WIPI2: variants seen among roughly 807,000 people sequenced by gnomAD.
WIPI2 encodes the protein WD repeat domain, phosphoinositide interacting 2.
A neutral mutation model predicts 52.3 loss-of-function variants in WIPI2; 28 were observed. That is an observed-to-expected ratio of 0.54 (90% CI 0.40 to 0.73). The LOEUF (loss-of-function observed/expected upper bound fraction) is 0.73. Ranked by LOEUF, WIPI2 falls within the 30% of genes least tolerant of loss-of-function variation. The pLI, the probability that WIPI2 is intolerant of heterozygous loss-of-function variation, is 0.00. For synonymous variants in WIPI2, 268 were observed against 245.0 expected, an observed-to-expected ratio of 1.09 and a Z score of -0.88; for missense variants, 506 against 602.9, an observed-to-expected ratio of 0.84 and a Z score of 1.68.
chr7:5,226,244 G>A (rs1783426583), intron 9 of WIPI2: 3 of 321,426 alleles, frequency 9.3e-6, no homozygotes, highest in Non-Finnish European at 1.8e-5. Flanking sequence ...CGACAAAAGC[G>A]TTTGTGATCA....
chr7:5,200,525 T>A (rs749399227), intron 3 of WIPI2, among the ~76,000 whole-genome samples: 32 of 151,460 alleles, frequency 2.1e-4, no homozygotes, highest in Non-Finnish European at 3.8e-4. Flanking sequence ...TGTGCTCGTT[T>A]GTGTGTGCGT....
chr7:5,205,285 T>C (rs561886985), intron 3 of WIPI2, among the ~76,000 whole-genome samples: 2 of 152,278 alleles, frequency 1.3e-5, no homozygotes, highest in South Asian at 4.1e-4. Context: ...CCTGGCCTAT[T>C]AGTCTTAAGT....
chr7:5,205,225 C>T (rs1782237727), intron 3 of WIPI2, among the ~76,000 whole-genome samples: 1 of 152,220 alleles, frequency 6.6e-6, no homozygotes, highest in Admixed American at 6.5e-5. Flanking sequence ...ATCCATCCGC[C>T]TCAGCTTCCC....
In WIPI2 at chr7:5,190,272, G is replaced by T. The variant is rs1011613331; in HGVS notation, c.-148G>T. 63 of 391,422 alleles carry T rather than the reference G, an allele frequency of 1.6e-4. 1 individual carries two copies. The highest frequency in any genetic ancestry group is 2.5e-4 in the Non-Finnish European group (60 of 243,624). 24.2% of individuals were successfully genotyped at this position (391,422 alleles called of 1,614,324 possible). On this transcript the variant is annotated 5_prime_UTR_variant, in exon 1 of 13. Coordinates refer to ENST00000288828, the MANE Select transcript of WIPI2 (RefSeq NM_015610.4). ...GGCTCTGGAGCATAAACAAGAGCGGGGACGGGATGAGGCGGCGGTTGATCC... is the reference window on the plus strand; with the variant it reads ...GGCTCTGGAGCATAAACAAGAGCGGTGACGGGATGAGGCGGCGGTTGATCC...
intron 5 of WIPI2, 163 bp from the exon 6 acceptor site, chr7:5,216,927 G>C (rs968903837): frequency 1.3e-6 from 1 of 778,226 alleles, no homozygotes; most frequent in Non-Finnish European, 2.0e-6. Flanking sequence ...ACCTAAGGTG[G>C]GGATTTGGGG....
intron 3 of WIPI2, among the ~76,000 whole-genome samples, chr7:5,199,937 A>G (rs1040973803): frequency 1.3e-5 from 2 of 152,194 alleles, no homozygotes; most frequent in African/African-American, 2.4e-5. Flanking sequence ...ACTGGTCTGT[A>G]ACTTCTCTCC....
chr7:5,207,368 T>A (rs1192598350), intron 3 of WIPI2, among the ~76,000 whole-genome samples: 1 of 152,212 alleles, frequency 6.6e-6, no homozygotes, highest in Non-Finnish European at 1.5e-5. Flanking sequence ...GGTTTTTTTC[T>A]ACTGTAGATT....
At position 5,227,957 on chromosome 7, in the gene WIPI2, G is replaced by T; in HGVS notation, c.1014-147G>T. On this transcript the variant is annotated intron_variant, in intron 10 of 12. Transcript: ENST00000288828. This position sits in a 1 kb window ranked among gnomAD's most constrained non-coding sequence, Gnocchi z 8.1. ...GTGCAGCCTTGGCCGTGTGAGCCGA[G>T]GTCAGTGGGGCGCCAGACACCTGCA... 1.3e-6 allele frequency: 1 copy of T among 760,768 alleles called. No individual in the cohort carries two copies. The highest frequency in any genetic ancestry group is 2.3e-6 in the Non-Finnish European group (1 of 441,950). The allele number at this position is 760,768 out of a possible 1,614,324, so 47.1% of individuals were successfully genotyped here.
rs372852276 is a variant in WIPI2 at position 5,227,384 on chromosome 7, C to T, written c.1013+40C>T. ...CGCCTCCGTCCCCCACCCCGTGTGC[C>T]TCAGGCCGAGGGGCCCAGTCCTGGC... On this transcript the variant is annotated intron_variant, in intron 10 of 12. Transcript: ENST00000288828. The surrounding 1 kb of genome is among the most constrained non-coding windows in gnomAD (Gnocchi z 8.1). 34 of 1,602,554 alleles carry T rather than the reference C, an allele frequency of 2.1e-5. No homozygotes were observed. In the African/African-American group the frequency reaches 4.5e-4, roughly 21 times the overall value.
At chr7:5,191,668 A>G (rs1377719049) in intron 1 of WIPI2, among the ~76,000 whole-genome samples, 2 of 152,158 alleles carry the variant, frequency 1.3e-5, no homozygotes, top group Non-Finnish European at 2.9e-5. Flanking sequence ...GAAGTGAGTA[A>G]GAGGAAGTGA....
intron 2 of WIPI2, 48 bp downstream of exon 2, chr7:5,193,219 G>C: frequency 6.3e-7 from 1 of 1,594,388 alleles, no homozygotes; most frequent in Non-Finnish European, 8.5e-7. Flanking sequence ...GAAGGCTTAT[G>C]TTAGAGGACT....
rs539142004 is a variant in WIPI2 at position 5,215,311 on chromosome 7, C to CA, written c.381+617dup. ...GGGCAACAAGAGTGAGACTTCGTCT[C>CA]AAAAAAAAAACTTACAGACTTTTTT... On this transcript the variant is annotated intron_variant, in intron 4 of 12. Coordinates refer to ENST00000288828, the MANE Select transcript of WIPI2 (RefSeq NM_015610.4). Among the ~76,000 whole-genome samples, 155 of 149,342 alleles carry CA rather than the reference C, an allele frequency of 1.0e-3. 2 individuals are homozygous for CA. In the South Asian group the frequency reaches 0.029, roughly 28 times the overall value.
At position 5,218,022 on chromosome 7, in the gene WIPI2, T is replaced by C; in HGVS notation, c.669+8T>C. The stretch of plus-strand genomic sequence containing the variant: ...GCCACGGCTTCGGAGAAGGTGAGTC[T>C]GCTTTTCCCCGGGGGAGCACTGGTG... On this transcript the variant is annotated splice_region_variant and intron_variant, in intron 7 of 12. Coordinates refer to ENST00000288828, the MANE Select transcript of WIPI2 (RefSeq NM_015610.4). The C allele has an allele frequency of 6.2e-7, 1 of 1,614,134 alleles. No homozygotes were observed. Among genetic ancestry groups the C allele is most frequent in the Non-Finnish European group, 8.5e-7 (1 of 1,179,968 alleles).
chr7:5,221,483 T>C (rs1464167409), intron 7 of WIPI2, among the ~76,000 whole-genome samples: 5 of 152,280 alleles, frequency 3.3e-5, no homozygotes, highest in African/African-American at 1.2e-4. Flanking sequence ...TTTGGAATGC[T>C]ACCCATTTTA....
intron 3 of WIPI2, chr7:5,213,046 C>T (rs1331988277): frequency 6.6e-6 from 1 of 152,272 alleles, no homozygotes; most frequent in African/African-American, 2.4e-5. Flanking sequence ...GGTGTATCCG[C>T]TGACAAAGAT....
At chr7:5,195,961 C>T (rs968574791) in intron 2 of WIPI2, among the ~76,000 whole-genome samples, 1 of 151,932 alleles carries the variant, frequency 6.6e-6, no homozygotes, top group Non-Finnish European at 1.5e-5. Context: ...ATCACTTGAA[C>T]CGGGAGGCTG....
At position 5,190,344 on chromosome 7, in the gene WIPI2, C is replaced by T; in HGVS notation, c.-76C>T. 1 of 1,077,294 alleles carries T rather than the reference C, an allele frequency of 9.3e-7. No individual in the cohort carries two copies. The allele number at this position is 1,077,294 out of a possible 1,614,324, so 66.7% of individuals were successfully genotyped here. On this transcript the variant is annotated 5_prime_UTR_variant, in exon 1 of 13. Transcript: ENST00000288828. ...CCGAGGCGGCGAGCGGGGCCCGGCG[C>T]CGACCCTGAGTGCAGCCTGACCCGC...
intron 7 of WIPI2, 36 bp from the exon 8 acceptor site, chr7:5,222,566 C>A: frequency 6.3e-7 from 1 of 1,596,700 alleles, no homozygotes; most frequent in South Asian, 1.1e-5. Context: ...TGTTTTAACT[C>A]AGCTCAAATT....
At position 5,227,402 on chromosome 7, in the gene WIPI2, G is replaced by C; in HGVS notation, c.1013+58G>C. The stretch of plus-strand genomic sequence containing the variant: ...CGTGTGCCTCAGGCCGAGGGGCCCA[G>C]TCCTGGCGGCTTGTGGCCCCTTCCG... On this transcript the variant is annotated intron_variant, in intron 10 of 12. Transcript: ENST00000288828. This position sits in a 1 kb window ranked among gnomAD's most constrained non-coding sequence, Gnocchi z 8.1. The C allele has an allele frequency of 6.3e-7, 1 of 1,584,312 alleles. No individual in the cohort carries two copies. Among genetic ancestry groups the C allele is most frequent in the Non-Finnish European group, 8.6e-7 (1 of 1,168,446 alleles).
Sources: gnomAD v4.1 joint callset for allele counts (sites outside exome capture counted in the v4.1 genomes callset) on GRCh38, gnomAD v4.1.1 for gene constraint, Gnocchi (gnomAD v3.1) non-coding constraint, MANE v1.5 for transcripts, NCBI Gene and HGNC (gene_info 2026-07-23, HGNC 2026-07-21) for gene names.